Variants in ALK observed in about 807,000 individuals in gnomAD.
ALK encodes ALK tyrosine kinase receptor.
Under a neutral mutation model 163.1 loss-of-function variants are expected in ALK, and 74 were observed. The observed-to-expected ratio is 0.45, with a 90% CI of 0.38 to 0.55. ALK has a LOEUF of 0.55. Among genes scored for constraint, ALK ranks in the 20% least tolerant of loss-of-function variants. The pLI is 0.00. For missense variants in ALK, 2,063 were observed against 2,105.3 expected (o/e 0.98, Z 0.39); for synonymous variants, 960 against 843.2 (o/e 1.14, Z -2.40).
chr2:29,351,303 C>T (rs1166790328), intron 5 of ALK, among the ~76,000 whole-genome samples: 2 of 152,166 alleles, frequency 1.3e-5, no homozygotes, highest in Non-Finnish European at 2.9e-5. Context: ...AGGACTGGCT[C>T]ATTCTCCCTG....
intron 1 of ALK, among the ~76,000 whole-genome samples, chr2:29,822,237 A>C (rs867845638): frequency 3.3e-5 from 5 of 152,172 alleles, no homozygotes; most frequent in Non-Finnish European, 5.9e-5. Flanking sequence ...TAACGAGGAG[A>C]TCTGAAATCA....
chr2:29,323,872 A>T (rs1205817867), intron 6 of ALK, among the ~76,000 whole-genome samples: 1 of 152,166 alleles, frequency 6.6e-6, no homozygotes, highest in Non-Finnish European at 1.5e-5. Context: ...AAGACTTCAA[A>T]ACTTATTTGC....
At chr2:29,540,667 G>C (rs1673390969) in intron 3 of ALK, among the ~76,000 whole-genome samples, 1 of 149,170 alleles carries the variant, frequency 6.7e-6, no homozygotes, top group African/African-American at 2.5e-5. Context: ...TTATTTTTGA[G>C]TTTTTATTAT....
intron 11 of ALK, among the ~76,000 whole-genome samples, chr2:29,256,046 A>G (rs1664941643): frequency 1.3e-5 from 2 of 152,220 alleles, no homozygotes; most frequent in Non-Finnish European, 1.5e-5. Flanking sequence ...CCATGAGAAG[A>G]CAGGCAGATG....
chr2:29,843,816 T>C (rs1258807964), intron 1 of ALK, among the ~76,000 whole-genome samples: 1 of 152,208 alleles, frequency 6.6e-6, no homozygotes, highest in Non-Finnish European at 1.5e-5. Context: ...TCATAATCAA[T>C]GATCATACTC....
At chr2:29,279,311 C>G (rs1053572231) in intron 9 of ALK, among the ~76,000 whole-genome samples, 1 of 152,324 alleles carries the variant, frequency 6.6e-6, no homozygotes, top group African/African-American at 2.4e-5. Flanking sequence ...CAATATGGAA[C>G]CAGGCAGTGC....
At chr2:29,915,802 T>G (rs1410779230) in intron 1 of ALK, among the ~76,000 whole-genome samples, 1 of 152,218 alleles carries the variant, frequency 6.6e-6, no homozygotes, top group Non-Finnish European at 1.5e-5. Flanking sequence ...AGATGTATCT[T>G]AGATACACAA....
intron 4 of ALK, among the ~76,000 whole-genome samples, chr2:29,497,929 A>T (rs1282873010): frequency 6.6e-6 from 1 of 152,204 alleles, no homozygotes; most frequent in Non-Finnish European, 1.5e-5. Context: ...TACAAAACTA[A>T]TTGAGAACTC....
chr2:29,749,679 C>A (rs1230784207), intron 1 of ALK, among the ~76,000 whole-genome samples: 3 of 152,152 alleles, frequency 2.0e-5, no homozygotes, highest in Non-Finnish European at 4.4e-5. Context: ...ATGGCTCCCC[C>A]ACAGCCCACA....
chr2:29,260,892 G>T (rs1665071034), intron 11 of ALK, among the ~76,000 whole-genome samples: 1 of 151,812 alleles, frequency 6.6e-6, no homozygotes, highest in Non-Finnish European at 1.5e-5. Context: ...TGCTTTCTGA[G>T]GTTTCTGACT....
Position 29,694,963 on chromosome 2 carries a change from A to G in ALK, c.839T>C (p.Leu280Pro), listed in dbSNP as rs764532876. 2 of 1,613,994 alleles carry G rather than the reference A, an allele frequency of 1.2e-6. No individual in the cohort carries two copies. The highest frequency in any genetic ancestry group is 2.7e-5 in the African/African-American group (2 of 74,942). Residue 280 changes from leucine to proline, a missense_variant, in exon 3 of 29, where the codon CTG becomes CCG. Physicochemically the swap from Leu to Pro is moderately conservative, Grantham distance 98. Coordinates refer to ENST00000389048, the MANE Select transcript of ALK (RefSeq NM_004304.5). Reference sequence around the variant, plus strand: ...CCAGCTCTGGTTCCTGAGGTCATGCAGTGGAGGGGAATACTCCAGCTCACA... The same window carrying G: ...CCAGCTCTGGTTCCTGAGGTCATGCGGTGGAGGGGAATACTCCAGCTCACA... ...FPCELEYSPP[L>P]HDLRNQSWSW... is the part of the protein sequence containing the mutation.
intron 9 of ALK, chr2:29,286,318 G>A (rs1048595341): frequency 2.0e-5 from 3 of 152,176 alleles, no homozygotes; most frequent in Non-Finnish European, 2.9e-5. Flanking sequence ...CCGACAATGT[G>A]TCAGCCAATG....
At chr2:29,471,049 T>C (rs1350776458) in intron 4 of ALK, among the ~76,000 whole-genome samples, 1 of 152,098 alleles carries the variant, frequency 6.6e-6, no homozygotes, top group African/African-American at 2.4e-5. Context: ...AGTAAAATAA[T>C]ATATAACTAT....
At chr2:29,888,863 C>T (rs1252886804) in intron 1 of ALK, among the ~76,000 whole-genome samples, 1 of 152,196 alleles carries the variant, frequency 6.6e-6, no homozygotes, top group African/African-American at 2.4e-5. Flanking sequence ...ATCCAATACA[C>T]CATTTCCTTC....
rs776604754 is a variant in ALK, at chr2:29,920,324, G to T, written c.336C>A (p.Ala112=). The T allele has an allele frequency of 6.4e-7, 1 of 1,554,040 alleles. No individual in the cohort carries two copies. Residue 112 remains alanine, a synonymous_variant, in exon 1 of 29, where the codon GCC becomes GCA. Coordinates refer to ENST00000389048, the MANE Select transcript of ALK (RefSeq NM_004304.5). ...GGGCCTCTGCCGGGGCTGGTGAACCGGCGGTCCAGGAGACCCCCGGCGCCG... is the reference window on the plus strand; with the variant it reads ...GGGCCTCTGCCGGGGCTGGTGAACCTGCGGTCCAGGAGACCCCCGGCGCCG... The part of the protein sequence containing the change: ...LGPAPGVSWT[A]GSPAPAEART...
At chr2:29,692,865 A>G (rs1678442381) in intron 3 of ALK, among the ~76,000 whole-genome samples, 1 of 152,256 alleles carries the variant, frequency 6.6e-6, no homozygotes, top group South Asian at 2.1e-4. Context: ...ACGGTAGAAG[A>G]GATCAATTGT....
chr2:29,800,790 C>G (rs921793387), intron 1 of ALK, among the ~76,000 whole-genome samples: 6 of 152,340 alleles, frequency 3.9e-5, no homozygotes, highest in African/African-American at 1.4e-4. Flanking sequence ...GGAAGAACCA[C>G]AATATTCCCA....
chr2:29,875,104 G>A (rs1666670137), intron 1 of ALK, among the ~76,000 whole-genome samples: 1 of 152,156 alleles, frequency 6.6e-6, no homozygotes, highest in South Asian at 2.1e-4. Context: ...TCAAAAGGTA[G>A]AAATAACCCA....
chr2:29,906,000 G>A (rs570467948), intron 1 of ALK, among the ~76,000 whole-genome samples: 1 of 152,170 alleles, frequency 6.6e-6, no homozygotes, highest in Non-Finnish European at 1.5e-5. Context: ...CCTGCCTGCA[G>A]TTCTGCCCAT....
Sources: allele counts gnomAD v4.1 joint callset (sites outside exome capture counted in the v4.1 genomes callset), GRCh38; gene constraint gnomAD v4.1.1; transcripts MANE v1.5; gene names NCBI Gene and HGNC (gene_info 2026-07-23, HGNC 2026-07-21).